The following LRP1B variants were observed in gnomAD, a reference collection of about 807,000 sequenced individuals.
LRP1B encodes LDL receptor related protein 1B, also known as low-density lipoprotein receptor-related protein 1B.
In LRP1B, 217 loss-of-function variants were observed where a neutral mutation model predicts 556.6. The ratio of observed to expected loss-of-function variants is 0.39; its 90% CI spans 0.35 to 0.44. The LOEUF is 0.44. LRP1B is among the 20% of genes least tolerant of loss of function. The pLI is 1.00. For synonymous variants in LRP1B, 2,047 were observed against 1,865.8 expected (o/e 1.10, Z -2.50); for missense variants, 5,053 against 5,620.8 (o/e 0.90, Z 3.23).
At chr2:141,641,133 A>T (rs1428820785) in intron 2 of LRP1B, among the ~76,000 whole-genome samples, 1 of 152,166 alleles carries the variant, frequency 6.6e-6, no homozygotes, top group East Asian at 1.9e-4. Context: ...GTACTGAGAG[A>T]AATAAAGATC....
intron 1 of LRP1B, among the ~76,000 whole-genome samples, chr2:142,032,854 C>G (rs966469616): frequency 1.3e-5 from 2 of 151,776 alleles, no homozygotes; most frequent in Admixed American, 1.3e-4. Context: ...TATCCCCTTC[C>G]CTTCCCATTC....
At chr2:141,034,288 T>C (rs1698464267) in intron 11 of LRP1B, among the ~76,000 whole-genome samples, 1 of 152,182 alleles carries the variant, frequency 6.6e-6, no homozygotes, top group Non-Finnish European at 1.5e-5. Context: ...TGTTATCAAT[T>C]TATTTTGTTA....
At chr2:140,316,400 C>T (rs1218971738) in intron 82 of LRP1B, among the ~76,000 whole-genome samples, 1 of 152,082 alleles carries the variant, frequency 6.6e-6, no homozygotes, top group Non-Finnish European at 1.5e-5. Context: ...CACAATGATT[C>T]AAGTATCATG....
At chr2:140,425,523 G>C (rs889054536) in intron 66 of LRP1B, among the ~76,000 whole-genome samples, 9 of 152,122 alleles carry the variant, frequency 5.9e-5, no homozygotes, top group African/African-American at 2.2e-4. Context: ...CGATTCTCCT[G>C]CCTCAGCCTC....
chr2:140,722,886 A>T (rs1687464256), intron 35 of LRP1B, among the ~76,000 whole-genome samples: 1 of 152,246 alleles, frequency 6.6e-6, no homozygotes, highest in Admixed American at 6.5e-5. Flanking sequence ...TACTAAAAAT[A>T]CAAAAAATTA....
chr2:141,495,254 G>A (rs943296401), intron 2 of LRP1B, among the ~76,000 whole-genome samples: 4 of 152,052 alleles, frequency 2.6e-5, no homozygotes, highest in African/African-American at 4.8e-5. Context: ...AGATTCCAGT[G>A]AGTCTTGTCT....
intron 2 of LRP1B, among the ~76,000 whole-genome samples, chr2:141,639,981 T>C (rs1277892232): frequency 2.6e-5 from 4 of 152,212 alleles, no homozygotes; most frequent in South Asian, 2.1e-4. Context: ...CTGGAACTCA[T>C]GTTAAAGTAT....
intron 86 of LRP1B, among the ~76,000 whole-genome samples, chr2:140,264,480 C>A (rs1682095437): frequency 6.6e-6 from 1 of 152,082 alleles, no homozygotes; most frequent in African/African-American, 2.4e-5. Context: ...TCTTCAACTA[C>A]TAACCTCAAG....
intron 23 of LRP1B, chr2:140,898,908 G>T: frequency 2.6e-6 from 1 of 385,380 alleles, no homozygotes; most frequent in Non-Finnish European, 5.1e-6. Context: ...TCAACTGGAA[G>T]AAGATATCTC....
intron 6 of LRP1B, among the ~76,000 whole-genome samples, chr2:141,211,333 C>T (rs1366211271): frequency 6.6e-6 from 1 of 151,016 alleles, no homozygotes; most frequent in Non-Finnish European, 1.5e-5. Flanking sequence ...AAAAACTAAG[C>T]ATTCAGGGCC....
chr2:141,641,937 T>C (rs1293373841), intron 2 of LRP1B, among the ~76,000 whole-genome samples: 2 of 152,110 alleles, frequency 1.3e-5, no homozygotes, highest in East Asian at 3.9e-4. Flanking sequence ...CAATTCAACA[T>C]GGAAAATCAT....
chr2:141,123,347 C>G (rs1558876325), intron 7 of LRP1B, among the ~76,000 whole-genome samples: 1 of 151,610 alleles, frequency 6.6e-6, no homozygotes, highest in Non-Finnish European at 1.5e-5. Flanking sequence ...GTAACTTTTA[C>G]AATACTAGAT....
At chr2:141,533,559 G>A (rs559166041) in intron 2 of LRP1B, among the ~76,000 whole-genome samples, 1 of 152,268 alleles carries the variant, frequency 6.6e-6, no homozygotes, top group East Asian at 1.9e-4. Flanking sequence ...GAGCCCCATA[G>A]ATAAGTTTAC....
chr2:140,980,031 G>A (rs1308389112), intron 18 of LRP1B, among the ~76,000 whole-genome samples: 4 of 151,216 alleles, frequency 2.6e-5, no homozygotes, highest in East Asian at 1.9e-4. Flanking sequence ...TAAAATTTTC[G>A]GTATTTTCCT....
chr2:141,082,013 A>T (rs2104886164), intron 7 of LRP1B, among the ~76,000 whole-genome samples: 1 of 152,330 alleles, frequency 6.6e-6, no homozygotes, highest in African/African-American at 2.4e-5. Context: ...TATTAAAATT[A>T]CCTTTTTGTC....
rs576538911 is a variant in LRP1B at position 141,445,507 on chromosome 2, G to A, written c.343+34889C>T. 2.1e-3 allele frequency among the ~76,000 whole-genome samples: 319 copies of A among 152,192 alleles called. 2 individuals carry two copies. Among genetic ancestry groups the A allele is most frequent in the Non-Finnish European group, 3.2e-3 (218 of 68,008 alleles). ...TCTTGCTTCTCTAGTTCTTTTAATT[G>A]TGATGTAAGGGTGTCAATTTTAGAT... is the stretch of plus-strand genomic sequence containing the variant. On this transcript the variant is annotated intron_variant, in intron 3 of 90. Transcript: ENST00000389484.
At chr2:141,428,290 C>T (rs1238184493) in intron 3 of LRP1B, among the ~76,000 whole-genome samples, 1 of 152,096 alleles carries the variant, frequency 6.6e-6, no homozygotes, top group Non-Finnish European at 1.5e-5. Flanking sequence ...TTCACCAAGT[C>T]AATGCTATTG....
intron 1 of LRP1B, among the ~76,000 whole-genome samples, chr2:141,868,600 G>T (rs1168823101): frequency 2.0e-5 from 3 of 152,114 alleles, no homozygotes; most frequent in Non-Finnish European, 4.4e-5. Context: ...AGTAGTTGGG[G>T]GAAAGTGCTG....
intron 20 of LRP1B, among the ~76,000 whole-genome samples, chr2:140,937,478 T>A (rs1376209972): frequency 6.6e-6 from 1 of 152,040 alleles, no homozygotes; most frequent in Non-Finnish European, 1.5e-5. Context: ...GTTTAATGGG[T>A]AGAGTTACAG....
Sources: allele counts gnomAD v4.1 joint callset (sites outside exome capture counted in the v4.1 genomes callset), GRCh38; gene constraint gnomAD v4.1.1; transcripts MANE v1.5; gene names NCBI Gene and HGNC (gene_info 2026-07-23, HGNC 2026-07-21).